SLC9A9: variants seen among roughly 807,000 people sequenced by gnomAD.
SLC9A9 encodes the protein solute carrier family 9 member A9.
In SLC9A9, 62 loss-of-function variants were observed where a neutral mutation model predicts 77.8. That is an observed-to-expected ratio of 0.80 (90% CI 0.65 to 0.98). SLC9A9 has a LOEUF of 0.98. Ranked by LOEUF, SLC9A9 falls within the 50% of genes least tolerant of loss-of-function variation. The pLI, the probability that SLC9A9 is intolerant of heterozygous loss-of-function variation, is 0.00. For synonymous variants in SLC9A9, 320 were observed against 283.5 expected (o/e 1.13, Z -1.29); for missense variants, 775 against 774.9 (o/e 1.00, Z 0.00).
At position 143,363,499 on chromosome 3, in the gene SLC9A9, T is replaced by C. The variant is rs2032810557; in HGVS notation, c.1589A>G (p.Tyr530Cys). 6.2e-7 allele frequency: 1 copy of C among 1,612,760 alleles called. No individual in the cohort carries two copies. The highest frequency in any genetic ancestry group is 1.7e-5 in the Admixed American group (1 of 59,948). Residue 530 changes from tyrosine to cysteine, a missense_variant, in exon 14 of 16, where the codon TAT becomes TGT. Coordinates refer to ENST00000316549, the MANE Select transcript of SLC9A9 (RefSeq NM_173653.4). ...CAAAGGATACTTGTGGTCAAAGCTA[T>C]ACCACATTCTGAAGAGCCGAGCACT... is the stretch of plus-strand genomic sequence containing the variant. The part of the protein sequence containing the change: ...AESARLFRMW[Y>C]SFDHKYLKPI...
At chr3:143,267,010 TA>T (rs1937745614) in intron 15 of SLC9A9, 81 bp from the exon 16 acceptor site, 3 of 1,220,878 alleles carry the variant, frequency 2.5e-6, no homozygotes, top group South Asian at 1.3e-5. Flanking sequence ...TTTTTTTTTT[TA>T]AACAGAATGC....
intron 12 of SLC9A9, among the ~76,000 whole-genome samples, chr3:143,389,247 AG>A (rs927384135): frequency 1.3e-5 from 2 of 152,130 alleles, no homozygotes; most frequent in African/African-American, 4.8e-5. Context: ...GGTTGTCTTC[AG>A]GTTGGGAGAG....
intron 14 of SLC9A9, among the ~76,000 whole-genome samples, chr3:143,289,951 G>T (rs920213068): frequency 2.6e-5 from 4 of 152,180 alleles, no homozygotes; most frequent in African/African-American, 9.7e-5. Context: ...CTTCGTAACT[G>T]CATGTGTTGA....
intron 11 of SLC9A9, among the ~76,000 whole-genome samples, chr3:143,473,199 A>G (rs959136416): frequency 6.6e-6 from 1 of 152,020 alleles, no homozygotes; most frequent in East Asian, 1.9e-4. Context: ...TGTGCCCCGA[A>G]CCACTCTCTG....
intron 9 of SLC9A9, among the ~76,000 whole-genome samples, chr3:143,521,621 C>T (rs184263033): frequency 6.6e-6 from 1 of 151,962 alleles, no homozygotes; most frequent in Non-Finnish European, 1.5e-5. Flanking sequence ...CCATTTCCTG[C>T]CTTCTTTTGT....
At chr3:143,403,621 C>A (rs2033909690) in intron 12 of SLC9A9, among the ~76,000 whole-genome samples, 1 of 152,114 alleles carries the variant, frequency 6.6e-6, no homozygotes, top group Non-Finnish European at 1.5e-5. Flanking sequence ...GTATTGGCTT[C>A]TTGCTGATAG....
At chr3:143,778,402 C>T (rs1239555173) in intron 4 of SLC9A9, among the ~76,000 whole-genome samples, 2 of 152,150 alleles carry the variant, frequency 1.3e-5, no homozygotes, top group Non-Finnish European at 2.9e-5. Context: ...TAACTGAAGT[C>T]CCATTTAGTT....
intron 8 of SLC9A9, among the ~76,000 whole-genome samples, chr3:143,558,355 C>T (rs2037024009): frequency 6.6e-6 from 1 of 152,172 alleles, no homozygotes; most frequent in Non-Finnish European, 1.5e-5. Context: ...GGACCACTGT[C>T]CTCTAGACCC....
intron 9 of SLC9A9, among the ~76,000 whole-genome samples, chr3:143,541,540 G>A (rs2036689729): frequency 6.6e-6 from 1 of 152,222 alleles, no homozygotes; most frequent in Non-Finnish European, 1.5e-5. Flanking sequence ...AAATTTGGGA[G>A]TAATTTGTTA....
intron 11 of SLC9A9, among the ~76,000 whole-genome samples, chr3:143,469,900 A>G (rs2035349808): frequency 6.6e-6 from 1 of 152,220 alleles, no homozygotes; most frequent in Non-Finnish European, 1.5e-5. Flanking sequence ...CACATCAGAA[A>G]TTCTGAACAC....
Position 143,561,843 on chromosome 3 carries a change from C to G in SLC9A9, c.1001-9393G>C, listed in dbSNP as rs148629817. On this transcript the variant is annotated intron_variant, in intron 8 of 15. Coordinates refer to ENST00000316549, the MANE Select transcript of SLC9A9 (RefSeq NM_173653.4). The stretch of plus-strand genomic sequence containing the variant: ...GAGAAACTCATTTCAGGGATAAATA[C>G]AGCAACATTTCCTATTTAACAAGTG... Among the ~76,000 whole-genome samples the G allele has an allele frequency of 3.1e-3, 477 of 152,316 alleles. 1 individual carries two copies. The highest frequency in any genetic ancestry group is 0.011 in the African/African-American group (458 of 41,578).
chr3:143,646,677 C>T (rs2038712568), intron 6 of SLC9A9, among the ~76,000 whole-genome samples: 1 of 152,106 alleles, frequency 6.6e-6, no homozygotes, highest in Non-Finnish European at 1.5e-5. Context: ...ATTGCACATG[C>T]CCATAATTAC....
At chr3:143,294,126 G>T (rs546361182) in intron 14 of SLC9A9, among the ~76,000 whole-genome samples, 1 of 152,222 alleles carries the variant, frequency 6.6e-6, no homozygotes, top group African/African-American at 2.4e-5. Flanking sequence ...TATTATTTAG[G>T]TTCCATTTAA....
At chr3:143,318,143 T>A (rs530112630) in intron 14 of SLC9A9, among the ~76,000 whole-genome samples, 3 of 152,330 alleles carry the variant, frequency 2.0e-5, no homozygotes, top group African/African-American at 7.2e-5. Flanking sequence ...TGTAGTCTTT[T>A]TATTTTTACT....
intron 13 of SLC9A9, 130 bp from the exon 14 acceptor site, chr3:143,363,693 T>A: frequency 1.3e-6 from 1 of 778,644 alleles, no homozygotes; most frequent in Non-Finnish European, 2.0e-6. Context: ...CATTTTCATC[T>A]AAATGGTGAA....
Position 143,723,723 on chromosome 3 carries a change from C to T in SLC9A9, c.534-30416G>A, listed in dbSNP as rs553189824. On this transcript the variant is annotated intron_variant, in intron 4 of 15. Transcript: ENST00000316549. ...AACTTGAAGGAGCATGGTCAGGGGA[C>T]CAGTTTTCCAGATCAGCCCAGTCCT... 2.2e-3 allele frequency among the ~76,000 whole-genome samples: 330 copies of T among 152,256 alleles called. 1 individual carries two copies. The highest frequency in any genetic ancestry group is 6.8e-3 in the Middle Eastern group (2 of 294).
chr3:143,332,993 A>G (rs138121770), intron 14 of SLC9A9, among the ~76,000 whole-genome samples: 167 of 152,342 alleles, frequency 1.1e-3, no homozygotes, highest in African/African-American at 3.8e-3. Context: ...TAATGTCATA[A>G]GGTAATTGAT....
Position 143,390,538 on chromosome 3 carries a change from A to G in SLC9A9, c.1470-8424T>C, listed in dbSNP as rs139015195. Among the ~76,000 whole-genome samples, 646 of 152,298 alleles carry G rather than the reference A, an allele frequency of 4.2e-3. 3 individuals are homozygous for G. The highest frequency in any genetic ancestry group is 0.015 in the African/African-American group (618 of 41,574). On this transcript the variant is annotated intron_variant, in intron 12 of 15. Coordinates refer to ENST00000316549, the MANE Select transcript of SLC9A9 (RefSeq NM_173653.4). ...CCCAGCATGAGCAACGCAGAAGACA[A>G]GTGATTTCTGCGTTTCCAACTGAGG...
intron 12 of SLC9A9, among the ~76,000 whole-genome samples, chr3:143,387,569 G>A (rs759661517): frequency 6.6e-6 from 1 of 152,026 alleles, no homozygotes; most frequent in Non-Finnish European, 1.5e-5. Context: ...GTATTCAAAT[G>A]GAAATGAAGG....
Sources: allele counts gnomAD v4.1 joint callset (sites outside exome capture counted in the v4.1 genomes callset), GRCh38; gene constraint gnomAD v4.1.1; transcripts MANE v1.5; gene names NCBI Gene and HGNC (gene_info 2026-07-23, HGNC 2026-07-21).